Variants in TANC2 observed in about 807,000 individuals in gnomAD.
TANC2 encodes the protein protein TANC2.
TANC2 carries 26 observed loss-of-function variants against 210.5 expected under a neutral mutation model. That is an observed-to-expected ratio of 0.12 (90% CI 0.09 to 0.17). The LOEUF is 0.17. TANC2 is among the 10% of genes least tolerant of loss of function. The pLI is 1.00. For missense variants in TANC2, 2,129 were observed against 2,608.9 expected (o/e 0.82, Z 4.01); for synonymous variants, 931 against 967.1 (o/e 0.96, Z 0.69).
At chr17:63,112,439 A>G (rs1377027434) in intron 4 of TANC2, among the ~76,000 whole-genome samples, 1 of 152,180 alleles carries the variant, frequency 6.6e-6, no homozygotes, top group Non-Finnish European at 1.5e-5. Flanking sequence ...CATTGAGGTC[A>G]CTGTGTAAGG....
At chr17:63,422,806 A>G (rs1235815618) in exon 28 of TANC2, 1 of 152,152 alleles carries the variant, frequency 6.6e-6, no homozygotes, top group Non-Finnish European at 1.5e-5. Context: ...AAAAACAAAA[A>G]AGATTGTTCT....
intron 2 of TANC2, among the ~76,000 whole-genome samples, chr17:63,012,820 TA>T (rs913692566): frequency 1.3e-5 from 2 of 151,924 alleles, no homozygotes; most frequent in Admixed American, 1.3e-4. Context: ...CCTGGCTAAT[TA>T]AAAAAATGTT....
intron 4 of TANC2, among the ~76,000 whole-genome samples, chr17:63,120,247 C>G (rs1352050066): frequency 6.6e-6 from 1 of 151,780 alleles, no homozygotes; most frequent in African/African-American, 2.4e-5. Flanking sequence ...TGTAAACTGG[C>G]TAATGTAAAA....
chr17:63,411,502 C>A lies in TANC2; in HGVS notation c.3590-9C>A. 1.2e-6 allele frequency: 2 copies of A among 1,604,030 alleles called. No individual in the cohort carries two copies. The highest frequency in any genetic ancestry group is 1.7e-6 in the Non-Finnish European group (2 of 1,175,010). On this transcript the variant is annotated splice_polypyrimidine_tract_variant and intron_variant, in intron 21 of 27. Coordinates refer to ENST00000689528, the Ensembl canonical transcript of TANC2. ...CTCCTCAGCCCTGTGCTATCACTTG[C>A]CTTTGCAGGTGCCTCCATTGCTCTT...
intron 9 of TANC2, among the ~76,000 whole-genome samples, chr17:63,295,368 A>G (rs554140922): frequency 6.6e-6 from 1 of 152,378 alleles, no homozygotes; most frequent in South Asian, 2.1e-4. Flanking sequence ...TGTCAACATG[A>G]GAACAAGTTA....
intron 9 of TANC2, among the ~76,000 whole-genome samples, chr17:63,307,811 G>C (rs976679786): frequency 6.6e-6 from 1 of 152,180 alleles, no homozygotes; most frequent in Admixed American, 6.5e-5. Flanking sequence ...TGTTGCCCAG[G>C]CAGGAGTGCA....
At chr17:62,981,670 C>T (rs1168105689) in intron 1 of TANC2, among the ~76,000 whole-genome samples, 3 of 152,078 alleles carry the variant, frequency 2.0e-5, no homozygotes, top group Non-Finnish European at 2.9e-5. Flanking sequence ...CACAGTCCTC[C>T]GTAAGACTAC....
At chr17:63,265,120 G>C (rs760485890) in intron 8 of TANC2, among the ~76,000 whole-genome samples, 2 of 152,158 alleles carry the variant, frequency 1.3e-5, no homozygotes, top group African/African-American at 2.4e-5. Context: ...TTTGGTGAAA[G>C]CTTCTGCTTA....
intron 3 of TANC2, among the ~76,000 whole-genome samples, chr17:63,096,367 C>A (rs1272854956): frequency 6.6e-6 from 1 of 152,076 alleles, no homozygotes; most frequent in Non-Finnish European, 1.5e-5. Flanking sequence ...GAGAATAAAT[C>A]CTAGATTTCT....
rs1481391325 is a variant in TANC2, at chr17:63,280,568, G to A, written c.1159+12695G>A. Among the ~76,000 whole-genome samples the A allele has an allele frequency of 2.6e-5, 4 of 151,994 alleles. No individual in the cohort carries two copies. The South Asian group carries it at 6.2e-4, about 24-fold the overall frequency. On this transcript the variant is annotated intron_variant, in intron 9 of 27. Transcript: ENST00000689528. ...ATCCTTTGTAGTAATTAATTACTAA[G>A]ATATGATGAAAATATCTGTCTCCTA...
chr17:63,045,455 G>A (rs554138706), intron 2 of TANC2, among the ~76,000 whole-genome samples: 12 of 152,014 alleles, frequency 7.9e-5, no homozygotes, highest in East Asian at 5.8e-4. Context: ...TTTATACTAC[G>A]TGTTATTTCA....
At chr17:63,382,239 G>A (rs1400394034) in intron 15 of TANC2, among the ~76,000 whole-genome samples, 2 of 152,122 alleles carry the variant, frequency 1.3e-5, no homozygotes, top group Non-Finnish European at 2.9e-5. Flanking sequence ...GCTGCTTTGT[G>A]GTCCATTTAC....
chr17:63,301,011 C>T (rs571544584), intron 9 of TANC2, among the ~76,000 whole-genome samples: 1 of 152,212 alleles, frequency 6.6e-6, no homozygotes, highest in African/African-American at 2.4e-5. Context: ...TTATCAAAGA[C>T]CTTTTCTTCA....
chr17:63,360,476 T>C (rs931133589), intron 14 of TANC2, among the ~76,000 whole-genome samples: 1 of 151,984 alleles, frequency 6.6e-6, no homozygotes, highest in Non-Finnish European at 1.5e-5. Flanking sequence ...CACTTTCAAT[T>C]TTTTTTTAAT....
chr17:63,422,458 C>T (rs529728681), exon 28 of TANC2: 8 of 163,830 alleles, frequency 4.9e-5, no homozygotes, highest in Admixed American at 1.1e-4. Flanking sequence ...CTCCCCAGAC[C>T]GCCAGCGCCC....
intron 8 of TANC2, among the ~76,000 whole-genome samples, chr17:63,261,353 G>A (rs2043350781): frequency 6.6e-6 from 1 of 152,112 alleles, no homozygotes; most frequent in African/African-American, 2.4e-5. Flanking sequence ...ACCACCTGTG[G>A]ACCTGAGGAA....
intron 5 of TANC2, chr17:63,182,965 C>T (rs147503574): frequency 2.8e-4 from 43 of 152,368 alleles, no homozygotes; most frequent in African/African-American, 1.0e-3. Context: ...CAGATGAATT[C>T]GACTTTCTTT....
intron 5 of TANC2, among the ~76,000 whole-genome samples, chr17:63,161,767 G>T (rs745589633): frequency 2.0e-5 from 3 of 152,092 alleles, no homozygotes; most frequent in Non-Finnish European, 2.9e-5. Flanking sequence ...GTCATCACCA[G>T]ATTTACTTTG....
chr17:63,100,259 T>C (rs1320143092), intron 4 of TANC2, among the ~76,000 whole-genome samples: 1 of 152,164 alleles, frequency 6.6e-6, no homozygotes, highest in Non-Finnish European at 1.5e-5. Flanking sequence ...TGGGCACTTC[T>C]GTCTATGTAG....
Sources: gnomAD v4.1 joint callset for allele counts (sites outside exome capture counted in the v4.1 genomes callset) on GRCh38, gnomAD v4.1.1 for gene constraint, MANE v1.5 for transcripts, NCBI Gene and HGNC (gene_info 2026-07-23, HGNC 2026-07-21) for gene names.